PPHLN1: variants seen among roughly 807,000 people sequenced by gnomAD.
PPHLN1 encodes the protein periphilin 1.
PPHLN1 carries 29 observed loss-of-function variants against 51.3 expected under a neutral mutation model. The observed-to-expected ratio is 0.57, with a 90% CI of 0.42 to 0.77. The LOEUF is 0.77. PPHLN1 is among the 30% of genes least tolerant of loss of function. PPHLN1 has a pLI of 0.00. For synonymous variants in PPHLN1, 147 were observed against 147.8 expected, an observed-to-expected ratio of 0.99 and a Z score of 0.04; for missense variants, 436 against 438.4, an observed-to-expected ratio of 0.99 and a Z score of 0.05.
chr12:42,374,153 A>C (rs1238420427), intron 4 of PPHLN1, among the ~76,000 whole-genome samples: 1 of 152,194 alleles, frequency 6.6e-6, no homozygotes, highest in Admixed American at 6.5e-5. Flanking sequence ...ATTGGCCATG[A>C]AATGTCTTAC....
chr12:42,417,386 G>A (rs973592066), intron 9 of PPHLN1, among the ~76,000 whole-genome samples: 3 of 152,022 alleles, frequency 2.0e-5, no homozygotes, highest in African/African-American at 4.8e-5. Context: ...TGGGAAAGAG[G>A]CAGTTTTGCT....
At chr12:42,402,811 C>T (rs907131017) in intron 9 of PPHLN1, among the ~76,000 whole-genome samples, 1 of 152,038 alleles carries the variant, frequency 6.6e-6, no homozygotes, top group African/African-American at 2.4e-5. Context: ...GGTTTTCTTC[C>T]GTAGATAGGG....
intron 4 of PPHLN1, among the ~76,000 whole-genome samples, chr12:42,373,823 T>C (rs1165725157): frequency 1.3e-5 from 2 of 152,218 alleles, no homozygotes; most frequent in Admixed American, 1.3e-4. Flanking sequence ...TTATAAAAAG[T>C]AGTTATTTAG....
chr12:42,412,892 G>T (rs546159153), intron 9 of PPHLN1, among the ~76,000 whole-genome samples: 2 of 151,870 alleles, frequency 1.3e-5, no homozygotes, highest in African/African-American at 4.8e-5. Context: ...ACATTTTTTC[G>T]TATGTTTGTT....
Position 42,335,948 on chromosome 12 carries a change from C to A in PPHLN1, c.46C>A (p.Arg16=). The A allele has an allele frequency of 1.3e-6, 2 of 1,586,196 alleles. No homozygotes were observed. Among genetic ancestry groups the A allele is most frequent in the African/African-American group, 1.4e-5 (1 of 73,732 alleles). ...TGAATATGAAAGAATTCCGAGAGAA[C>A]GAGCACCTCCTCGAAGTCATCCCAG... ...RYEYERIPRE[R]APPRSHPSDG... The change falls in exon 2 of 10, where the codon CGA becomes AGA. Residue 16 remains arginine, a synonymous_variant. Transcript: ENST00000358314.
chr12:42,431,803 C>T lies in PPHLN1; in HGVS notation c.910-9512C>T, dbSNP rs190271569. The T allele has an allele frequency of 3.8e-5, 46 of 1,226,556 alleles. No homozygotes were observed. In the Admixed American group the frequency reaches 7.6e-4, roughly 20 times the overall value. 76.0% of individuals were successfully genotyped at this position (1,226,556 alleles called of 1,614,324 possible). ...CTAGTCGGGCTATTTATTGCCTTTT[C>T]TGAAGGACCATGCTCTTCAATCACA... is the stretch of plus-strand genomic sequence containing the variant. On this transcript the variant is annotated intron_variant, in intron 9 of 9. Transcript: ENST00000358314.
intron 2 of PPHLN1, among the ~76,000 whole-genome samples, chr12:42,338,118 G>C (rs1159289200): frequency 6.6e-6 from 1 of 152,222 alleles, no homozygotes; most frequent in African/African-American, 2.4e-5. Context: ...GTAGGGACAG[G>C]GTTTTGCCGT....
intron 3 of PPHLN1, among the ~76,000 whole-genome samples, chr12:42,354,055 A>G (rs1040411436): frequency 2.6e-5 from 4 of 152,122 alleles, no homozygotes; most frequent in Non-Finnish European, 5.9e-5. Context: ...AGCACTGTTA[A>G]GTTTTGAATT....
intron 9 of PPHLN1, among the ~76,000 whole-genome samples, chr12:42,409,027 CAAT>C (rs926116873): frequency 3.3e-4 from 50 of 152,200 alleles, no homozygotes; most frequent in African/African-American, 1.1e-3. Flanking sequence ...AGATTAACAA[CAAT>C]AAGTAAAATA....
At chr12:42,349,006 A>G (rs2072794925) in intron 2 of PPHLN1, among the ~76,000 whole-genome samples, 1 of 152,244 alleles carries the variant, frequency 6.6e-6, no homozygotes, top group South Asian at 2.1e-4. Context: ...AAAATTAGTT[A>G]GATCTTTTAA....
chr12:42,330,539 C>G (rs779502027), intron 1 of PPHLN1, among the ~76,000 whole-genome samples: 1 of 152,198 alleles, frequency 6.6e-6, no homozygotes. Context: ...TTTTACCAAG[C>G]AAACTGCCTG....
intron 4 of PPHLN1, chr12:42,361,305 TC>T (rs1218743102): frequency 6.6e-6 from 1 of 152,220 alleles, no homozygotes; most frequent in Non-Finnish European, 1.5e-5. Flanking sequence ...ATTTCCCAGC[TC>T]CAGAACTATG....
intron 2 of PPHLN1, chr12:42,350,090 C>T (rs1309304930): frequency 6.7e-6 from 1 of 150,302 alleles, no homozygotes; most frequent in Admixed American, 6.6e-5. Context: ...ACCTCCCAGA[C>T]GGGGCGGCTG....
chr12:42,415,912 T>C (rs907879299), intron 9 of PPHLN1, among the ~76,000 whole-genome samples: 1 of 152,228 alleles, frequency 6.6e-6, no homozygotes, highest in Non-Finnish European at 1.5e-5. Flanking sequence ...CTTTCTAATA[T>C]GCTTATTTGC....
intron 1 of PPHLN1, among the ~76,000 whole-genome samples, chr12:42,328,957 G>A (rs937879434): frequency 3.3e-5 from 5 of 152,014 alleles, no homozygotes; most frequent in African/African-American, 4.8e-5. Context: ...CAAATGATCC[G>A]CCAGGCTCAG....
At chr12:42,385,800 C>T (rs897564594) in intron 6 of PPHLN1, among the ~76,000 whole-genome samples, 2 of 152,132 alleles carry the variant, frequency 1.3e-5, no homozygotes, top group African/African-American at 4.8e-5. Flanking sequence ...AGGACTTGAG[C>T]TAAGTAGGCC....
At chr12:42,418,629 C>A (rs910424595) in intron 9 of PPHLN1, among the ~76,000 whole-genome samples, 4 of 151,882 alleles carry the variant, frequency 2.6e-5, no homozygotes, top group Non-Finnish European at 4.4e-5. Context: ...TTGATTATGA[C>A]TTCTACTAAG....
At chr12:42,447,240 T>C (rs927008841), downstream of PPHLN1, 5 of 152,288 alleles carry the variant, frequency 3.3e-5, no homozygotes, top group African/African-American at 1.2e-4. Flanking sequence ...TTTTAAATTT[T>C]TTTATAGGCC....
intron 5 of PPHLN1, among the ~76,000 whole-genome samples, chr12:42,383,191 G>A (rs2076903533): frequency 6.6e-6 from 1 of 152,216 alleles, no homozygotes; most frequent in South Asian, 2.1e-4. Context: ...ATCCACAGCA[G>A]TGTGTTGGTA....
Sources: gnomAD v4.1 joint callset for allele counts (sites outside exome capture counted in the v4.1 genomes callset) on GRCh38, gnomAD v4.1.1 for gene constraint, MANE v1.5 for transcripts, NCBI Gene and HGNC (gene_info 2026-07-23, HGNC 2026-07-21) for gene names.